Variants in OCA2 observed in about 807,000 individuals in gnomAD.
The protein encoded by OCA2 is OCA2 melanosomal transmembrane protein, also known as P protein.
In OCA2, 77 loss-of-function variants were observed where a neutral mutation model predicts 100.2. The observed-to-expected ratio is 0.77, with a 90% CI of 0.64 to 0.93. The LOEUF (loss-of-function observed/expected upper bound fraction) is 0.93, where lower values mean the gene tolerates loss of function less well. Among genes scored for constraint, OCA2 ranks in the 40% least tolerant of loss-of-function variants. OCA2 has a pLI of 0.00. For missense variants in OCA2, 1,062 were observed against 1,089.1 expected, an observed-to-expected ratio of 0.98 and a Z score of 0.35; for synonymous variants, 432 against 439.2, an observed-to-expected ratio of 0.98 and a Z score of 0.21.
chr15:27,997,810 G>C (rs1043996806), intron 9 of OCA2, among the ~76,000 whole-genome samples: 5 of 132,952 alleles, frequency 3.8e-5, no homozygotes, highest in Non-Finnish European at 7.0e-5. Context: ...CTACCCATGA[G>C]CATGGAATGT....
At chr15:27,846,200 G>A (rs146323208) in intron 22 of OCA2, among the ~76,000 whole-genome samples, 137 of 152,210 alleles carry the variant, frequency 9.0e-4, no homozygotes, top group African/African-American at 3.0e-3. Flanking sequence ...TTGCACCAAC[G>A]GTTCCATCCC....
Position 27,926,150 on chromosome 15 carries a change from C to CA in OCA2, c.2055dup (p.Ala686CysfsTer55), listed in dbSNP as rs772595552. The CA allele has an allele frequency of 6.2e-7, 1 of 1,613,982 alleles. No homozygotes were observed. ...ACCTCCATCAGAACAAAGAGCGCTG[C>CA]AAAAAACAGAAGGGTTGCCCATTCC... On this transcript the variant is annotated frameshift_variant, in exon 19 of 24. Transcript: ENST00000354638. LOFTEE classifies it high-confidence loss of function.
chr15:27,758,941 C>T (rs1361567240), intron 23 of OCA2, among the ~76,000 whole-genome samples: 3 of 152,042 alleles, frequency 2.0e-5, no homozygotes, highest in Non-Finnish European at 4.4e-5. Flanking sequence ...AAGATATAAA[C>T]CTAGAGATTT....
chr15:27,899,535 A>G (rs566666400), intron 19 of OCA2, among the ~76,000 whole-genome samples: 4 of 152,336 alleles, frequency 2.6e-5, no homozygotes, highest in East Asian at 1.9e-4. Context: ...TTTCTTGTAA[A>G]GCTTCAACCA....
chr15:28,037,634 G>T (rs1403320066), intron 2 of OCA2, among the ~76,000 whole-genome samples: 1 of 152,180 alleles, frequency 6.6e-6, no homozygotes, highest in Non-Finnish European at 1.5e-5. Flanking sequence ...ATTTAAGCAA[G>T]TACTTTCTAT....
At chr15:27,785,447 C>G (rs2032762720) in intron 23 of OCA2, among the ~76,000 whole-genome samples, 1 of 152,064 alleles carries the variant, frequency 6.6e-6, no homozygotes, top group Non-Finnish European at 1.5e-5. Flanking sequence ...TGCCATTTAT[C>G]CAAAGAAGAT....
At chr15:27,924,617 C>T (rs922754863) in intron 19 of OCA2, among the ~76,000 whole-genome samples, 3 of 151,968 alleles carry the variant, frequency 2.0e-5, no homozygotes, top group African/African-American at 7.3e-5. Flanking sequence ...TCATATTAAA[C>T]TAAGATGTAC....
intron 9 of OCA2, among the ~76,000 whole-genome samples, chr15:27,999,476 A>G (rs907842171): frequency 6.6e-6 from 1 of 152,210 alleles, no homozygotes; most frequent in African/African-American, 2.4e-5. Context: ...CAACGTAATA[A>G]AGACCATATA....
chr15:27,789,773 T>C (rs753374987), intron 23 of OCA2, among the ~76,000 whole-genome samples: 4 of 152,214 alleles, frequency 2.6e-5, no homozygotes, highest in African/African-American at 9.6e-5. Context: ...CTATAATGAA[T>C]AGATATCTAT....
chr15:28,040,042 A>AG lies in OCA2; in HGVS notation c.228-7880_228-7879insC, dbSNP rs1430910259. On this transcript the variant is annotated intron_variant, in intron 2 of 23. Coordinates refer to ENST00000354638, the MANE Select transcript of OCA2 (RefSeq NM_000275.3). ...GAGAGACTCCATCTCAAAAAAAAAA[A>AG]AAAAAGAAGAGGAAATTCAAACACT... Among the ~76,000 whole-genome samples the AG allele has an allele frequency of 3.9e-5, 6 of 152,134 alleles. No homozygotes were observed. In the East Asian group the frequency reaches 1.2e-3, roughly 29 times the overall value.
intron 9 of OCA2, among the ~76,000 whole-genome samples, chr15:27,996,066 C>T (rs2041717676): frequency 6.6e-6 from 1 of 152,152 alleles, no homozygotes. Flanking sequence ...CCACCTCAGC[C>T]TCCTGAAGTG....
chr15:28,081,838 C>T lies in OCA2; in HGVS notation c.37G>A (p.Gly13Ser), dbSNP rs201554429. The T allele has an allele frequency of 2.0e-4, 321 of 1,611,430 alleles. 1 individual carries two copies. In the African/African-American group the frequency reaches 3.7e-3, roughly 19 times the overall value. ...LEGRDGRRYP[G>S]APAVELLQTS... ...TGCAGGAGCTCCACCGCCGGCGCGC[C>T]GGGGTACCGCCTGCCGTCTCTGCCC... Residue 13 changes from glycine (G) to serine (S), a missense_variant, in exon 2 of 24, where the codon GGC (glycine) becomes AGC (serine). Coordinates refer to ENST00000354638, the MANE Select transcript of OCA2 (RefSeq NM_000275.3).
At chr15:27,983,744 A>G (rs368746539) in intron 13 of OCA2, among the ~76,000 whole-genome samples, 37 of 151,760 alleles carry the variant, frequency 2.4e-4, no homozygotes, top group African/African-American at 8.2e-4. Flanking sequence ...CCTTTCCCCA[A>G]TGCTCCCAGG....
chr15:27,879,232 C>T (rs781002200), intron 19 of OCA2, among the ~76,000 whole-genome samples: 2 of 152,166 alleles, frequency 1.3e-5, no homozygotes, highest in African/African-American at 4.8e-5. Context: ...ATATGTACCA[C>T]ATTTTCTTTA....
At position 28,020,701 on chromosome 15, in the gene OCA2, G is replaced by A. The variant is rs1032953955; in HGVS notation, c.646+1800C>T. 8.5e-5 allele frequency among the ~76,000 whole-genome samples: 13 copies of A among 152,316 alleles called. No homozygotes were observed. The South Asian group carries it at 1.5e-3, about 17-fold the overall frequency. On this transcript the variant is annotated intron_variant, in intron 6 of 23. Transcript: ENST00000354638. ...TGGAGATACTTTACAGCTCAGGCAC[G>A]GTTTTAAAGTGATGAAGAAAATACA... is the stretch of plus-strand genomic sequence containing the variant.
At chr15:27,933,278 G>C (rs1484289783) in intron 18 of OCA2, among the ~76,000 whole-genome samples, 5 of 151,886 alleles carry the variant, frequency 3.3e-5, no homozygotes, top group Admixed American at 2.6e-4. Flanking sequence ...GTGATTTCTA[G>C]GCTATGACAG....
chr15:28,052,016 C>A (rs2043533499), intron 2 of OCA2, among the ~76,000 whole-genome samples: 3 of 152,130 alleles, frequency 2.0e-5, no homozygotes, highest in Admixed American at 1.3e-4. Context: ...AGAGGCTGGG[C>A]CTGGCCGGGT....
chr15:28,063,691 T>G (rs1440762207), intron 2 of OCA2, among the ~76,000 whole-genome samples: 1 of 152,128 alleles, frequency 6.6e-6, no homozygotes, highest in Non-Finnish European at 1.5e-5. Flanking sequence ...CCTACATAAC[T>G]CTATTTCCTC....
chr15:27,867,837 T>C (rs2151480155), intron 21 of OCA2, among the ~76,000 whole-genome samples: 1 of 152,362 alleles, frequency 6.6e-6, no homozygotes, highest in African/African-American at 2.4e-5. Context: ...ATTTGAACAT[T>C]TCATCTCCTT....
Sources: allele counts gnomAD v4.1 joint callset (sites outside exome capture counted in the v4.1 genomes callset), GRCh38; gene constraint gnomAD v4.1.1; transcripts MANE v1.5; gene names NCBI Gene and HGNC (gene_info 2026-07-23, HGNC 2026-07-21).